Variants in TMEM232 observed in about 807,000 individuals in gnomAD.
The protein encoded by TMEM232 is transmembrane protein 232.
TMEM232 carries 80 observed loss-of-function variants against 78.8 expected under a neutral mutation model. The ratio of observed to expected loss-of-function variants is 1.01; its 90% CI spans 0.85 to 1.22. The LOEUF (loss-of-function observed/expected upper bound fraction) is 1.22. TMEM232 is among the 50% of genes most tolerant of loss of function. The probability of loss-of-function intolerance (pLI) is 0.00; values close to 1 mark genes in which losing one functional copy is unlikely to be tolerated. For missense variants in TMEM232, 881 were observed against 742.2 expected (o/e 1.19, Z -2.17); for synonymous variants, 297 against 254.3 (o/e 1.17, Z -1.60).
chr5:110,465,323 T>C (rs1490040807), intron 12 of TMEM232, among the ~76,000 whole-genome samples: 1 of 152,186 alleles, frequency 6.6e-6, no homozygotes, highest in Non-Finnish European at 1.5e-5. Flanking sequence ...ATGTTCAACT[T>C]CTTAAGCCAT....
chr5:110,423,400 T>C (rs2112626096), intron 13 of TMEM232, among the ~76,000 whole-genome samples: 1 of 152,188 alleles, frequency 6.6e-6, no homozygotes, highest in Non-Finnish European at 1.5e-5. Flanking sequence ...AAAGTATAAA[T>C]ACAAAACACT....
chr5:110,525,260 T>C (rs910448343), intron 12 of TMEM232, among the ~76,000 whole-genome samples: 1 of 151,650 alleles, frequency 6.6e-6, no homozygotes, highest in Non-Finnish European at 1.5e-5. Flanking sequence ...AGGGCTAAAG[T>C]ATAAAAATCA....
chr5:110,725,091 C>A (rs1798024881), intron 1 of TMEM232, among the ~76,000 whole-genome samples: 1 of 151,886 alleles, frequency 6.6e-6, no homozygotes, highest in African/African-American at 2.4e-5. Flanking sequence ...GAAATATAAG[C>A]AAAAATAAAA....
intron 11 of TMEM232, among the ~76,000 whole-genome samples, chr5:110,561,529 T>C (rs879662500): frequency 6.6e-5 from 10 of 152,064 alleles, no homozygotes; most frequent in African/African-American, 1.9e-4. Flanking sequence ...TTAAACATGA[T>C]ACATAAAAGA....
intron 1 of TMEM232, among the ~76,000 whole-genome samples, chr5:110,695,572 G>T (rs1448958379): frequency 1.3e-5 from 2 of 152,048 alleles, no homozygotes; most frequent in African/African-American, 4.8e-5. Flanking sequence ...TAATAAAGAA[G>T]AAAAGAGAGA....
intron 1 of TMEM232, among the ~76,000 whole-genome samples, chr5:110,690,350 G>A (rs1047510614): frequency 1.3e-5 from 2 of 152,078 alleles, no homozygotes; most frequent in Non-Finnish European, 2.9e-5. Flanking sequence ...AGACATATAT[G>A]TGGTCAAAAA....
intron 12 of TMEM232, among the ~76,000 whole-genome samples, chr5:110,513,481 A>G (rs1392502611): frequency 6.6e-6 from 1 of 152,102 alleles, no homozygotes; most frequent in Non-Finnish European, 1.5e-5. Flanking sequence ...AAGAACACCA[A>G]AAAAGGGGAA....
chr5:110,657,718 T>C (rs1382143571), intron 2 of TMEM232, among the ~76,000 whole-genome samples: 1 of 152,104 alleles, frequency 6.6e-6, no homozygotes, highest in African/African-American at 2.4e-5. Context: ...ATGTATTGAA[T>C]ATTTCAAGAT....
At chr5:110,450,798 A>G (rs1404739762) in intron 12 of TMEM232, among the ~76,000 whole-genome samples, 1 of 152,178 alleles carries the variant, frequency 6.6e-6, no homozygotes, top group Admixed American at 6.6e-5. Flanking sequence ...TCTTTCCTGG[A>G]CACAAAGCTG....
At chr5:110,698,590 T>C (rs1795076757) in intron 1 of TMEM232, among the ~76,000 whole-genome samples, 1 of 152,050 alleles carries the variant, frequency 6.6e-6, no homozygotes, top group Admixed American at 6.6e-5. Flanking sequence ...AAAAGCATTG[T>C]GTTTGATCCA....
At chr5:110,411,986 ATTAG>A (rs1756014688) in intron 2 of TMEM232, among the ~76,000 whole-genome samples, 1 of 152,146 alleles carries the variant, frequency 6.6e-6, no homozygotes, top group Admixed American at 6.5e-5. Context: ...CACAATATAT[ATTAG>A]TTTCATATTT....
chr5:110,591,771 G>T (rs1223778156), intron 10 of TMEM232, among the ~76,000 whole-genome samples: 1 of 151,902 alleles, frequency 6.6e-6, no homozygotes, highest in Non-Finnish European at 1.5e-5. Context: ...CCAGATCTGG[G>T]TTTTTTTCAC....
intron 1 of TMEM232, among the ~76,000 whole-genome samples, chr5:110,689,965 C>T (rs1025915852): frequency 1.3e-5 from 2 of 152,164 alleles, no homozygotes; most frequent in African/African-American, 4.8e-5. Context: ...CCCTTCCTTA[C>T]ACCTTATACA....
At chr5:110,421,343 T>C (rs1358807718) in intron 13 of TMEM232, among the ~76,000 whole-genome samples, 2 of 151,848 alleles carry the variant, frequency 1.3e-5, no homozygotes, top group African/African-American at 4.8e-5. Context: ...TAAATAGTAG[T>C]ATATTGGAAG....
intron 11 of TMEM232, among the ~76,000 whole-genome samples, chr5:110,531,385 GTCCTCCTGC>G (rs1359329091): frequency 2.6e-5 from 4 of 152,142 alleles, no homozygotes; most frequent in Non-Finnish European, 5.9e-5. Context: ...TCAATCCCCT[GTCCTCCTGC>G]TCTTTGCTCT....
intron 1 of TMEM232, among the ~76,000 whole-genome samples, chr5:110,715,679 G>A (rs1245033595): frequency 6.6e-6 from 1 of 152,072 alleles, no homozygotes; most frequent in African/African-American, 2.4e-5. Context: ...CTTCCTCTCA[G>A]CCAGGGCACT....
chr5:110,442,390 G>T (rs902362239), intron 12 of TMEM232, among the ~76,000 whole-genome samples: 1 of 151,356 alleles, frequency 6.6e-6, no homozygotes, highest in African/African-American at 2.4e-5. Flanking sequence ...TCTTCTGCTT[G>T]ATCAGTTCTG....
At chr5:110,595,570 A>C (rs925928068) in intron 10 of TMEM232, among the ~76,000 whole-genome samples, 1 of 152,192 alleles carries the variant, frequency 6.6e-6, no homozygotes, top group Non-Finnish European at 1.5e-5. Flanking sequence ...CCAGTTTAGA[A>C]AAGAATATAA....
chr5:110,444,534 GTTCTTGTGATGA>G (rs1291646555), intron 12 of TMEM232, among the ~76,000 whole-genome samples: 1 of 152,118 alleles, frequency 6.6e-6, no homozygotes, highest in African/African-American at 2.4e-5. Flanking sequence ...AAGTACTATG[GTTCTTGTGATGA>G]TGCTTTTCCG....
Sources: gnomAD v4.1 joint callset for allele counts (sites outside exome capture counted in the v4.1 genomes callset) on GRCh38, gnomAD v4.1.1 for gene constraint, MANE v1.5 for transcripts, NCBI Gene and HGNC (gene_info 2026-07-23, HGNC 2026-07-21) for gene names.